The following FBLN2 variants were observed in gnomAD, a reference collection of about 807,000 sequenced individuals.
FBLN2 encodes the protein fibulin-2.
Under a neutral mutation model 123.7 loss-of-function variants are expected in FBLN2, and 81 were observed. The observed-to-expected ratio is 0.65, with a 90% CI of 0.55 to 0.79. The LOEUF is 0.79. Ranked by LOEUF, FBLN2 falls within the 30% of genes least tolerant of loss-of-function variation. The pLI, the probability that FBLN2 is intolerant of heterozygous loss-of-function variation, is 0.00. For missense variants in FBLN2, 1,603 were observed against 1,681.3 expected (o/e 0.95, Z 0.81); for synonymous variants, 699 against 701.4 (o/e 1.00, Z 0.05).
chr3:13,600,195 G>C (rs1475029835), intron 2 of FBLN2, among the ~76,000 whole-genome samples: 1 of 151,968 alleles, frequency 6.6e-6, no homozygotes, highest in Admixed American at 6.6e-5. Context: ...GGGGGCCTCT[G>C]GACATGAGAT....
chr3:13,573,003 C>A (rs1388564878), intron 2 of FBLN2, among the ~76,000 whole-genome samples: 1 of 152,154 alleles, frequency 6.6e-6, no homozygotes, highest in Non-Finnish European at 1.5e-5. Flanking sequence ...AGTCCTCTAG[C>A]AAACAGGTTA....
At chr3:13,631,216 A>T (rs1205250868) in intron 15 of FBLN2, 113 bp from the exon 16 acceptor site, 1 of 1,336,248 alleles carries the variant, frequency 7.5e-7, no homozygotes, top group African/African-American at 1.5e-5. Flanking sequence ...ACTTGTCTTC[A>T]TTTAAAAAAT....
At chr3:13,588,699 G>A (rs1281710295) in intron 2 of FBLN2, among the ~76,000 whole-genome samples, 1 of 152,042 alleles carries the variant, frequency 6.6e-6, no homozygotes, top group Admixed American at 6.5e-5. Flanking sequence ...ACTTCTAAGA[G>A]AAAAAAAGAT....
At chr3:13,556,282 A>C (rs1703461516) in intron 1 of FBLN2, among the ~76,000 whole-genome samples, 1 of 151,202 alleles carries the variant, frequency 6.6e-6, no homozygotes, top group Non-Finnish European at 1.5e-5. Context: ...CCCGGCATGC[A>C]CGTGGCTGCC....
rs1394127778 is a variant in FBLN2, at chr3:13,627,966, G to T, written c.2566G>T (p.Val856Leu). The T allele has an allele frequency of 6.2e-7, 1 of 1,613,198 alleles. No individual in the cohort carries two copies. Among genetic ancestry groups the T allele is most frequent in the Non-Finnish European group, 8.5e-7 (1 of 1,179,444 alleles). Residue 856 changes from valine to leucine, a missense_variant, in exon 11 of 18, where the codon GTG (valine) becomes TTG (leucine). By Grantham distance (32) the Val-to-Leu change is conservative. Transcript: ENST00000404922. ...CCTGCAGGATCCTGAAGGCAACTGTGTGGGTGAGCGGGGGCTGCAGGGCTG... is the reference window on the plus strand; with the variant it reads ...CCTGCAGGATCCTGAAGGCAACTGTTTGGGTGAGCGGGGGCTGCAGGGCTG... Reference protein sequence around the residue: ...GFLQDPEGNCVDINECTSLSE... With the variant: ...GFLQDPEGNCLDINECTSLSE...
rs747917104 is a variant in FBLN2, at chr3:13,629,171, T to A, written c.2721T>A (p.Asn907Lys). Reference protein sequence around the residue: ...SDDGTKCVDVNECETGVHRCG... With the variant: ...SDDGTKCVDVKECETGVHRCG... ...CCTGCTCACCCCCCACAGACGTGAA[T>A]GAGTGTGAGACAGGTGTGCACCGCT... is the stretch of plus-strand genomic sequence containing the variant. Residue 907 changes from asparagine (N) to lysine (K), a missense_variant, in exon 13 of 18, where the codon AAT (asparagine) becomes AAA (lysine). By Grantham distance (94) the Asn-to-Lys change is moderately conservative. Transcript: ENST00000404922. The A allele has an allele frequency of 2.5e-6, 4 of 1,613,000 alleles. No individual in the cohort carries two copies. The highest frequency in any genetic ancestry group is 3.4e-6 in the Non-Finnish European group (4 of 1,179,624).
chr3:13,575,179 G>A (rs1032036663), intron 2 of FBLN2, among the ~76,000 whole-genome samples: 9 of 152,200 alleles, frequency 5.9e-5, no homozygotes, highest in South Asian at 2.1e-4. Flanking sequence ...GCCCCATGAT[G>A]CAGGGACTTC....
intron 2 of FBLN2, among the ~76,000 whole-genome samples, chr3:13,577,370 A>T (rs986905343): frequency 6.6e-6 from 1 of 152,132 alleles, no homozygotes; most frequent in South Asian, 2.1e-4. Flanking sequence ...CAAAGGCCCC[A>T]GGGCAGGAAG....
chr3:13,553,907 G>C (rs1703395539), intron 1 of FBLN2, among the ~76,000 whole-genome samples: 2 of 152,260 alleles, frequency 1.3e-5, no homozygotes, highest in African/African-American at 4.8e-5. Context: ...TGAATCGGGG[G>C]CGCCCCCCTG....
At position 13,564,915 on chromosome 3, in the gene FBLN2, A is replaced by G. The variant is rs950290405; in HGVS notation, c.-41-5400A>G. On this transcript the variant is annotated intron_variant, in intron 1 of 17. Transcript: ENST00000404922. ...GGTTGGGGCCCAGCCCTATCAGGAC[A>G]GCAGAGCGAGGAGCTTGTGGCCAGG... Among the ~76,000 whole-genome samples, 12 of 152,230 alleles carry G rather than the reference A, an allele frequency of 7.9e-5. No homozygotes were observed. The South Asian group carries it at 2.3e-3, about 29-fold the overall frequency.
At chr3:13,623,179 C>CA (rs1357291737) in intron 9 of FBLN2, among the ~76,000 whole-genome samples, 1 of 152,228 alleles carries the variant, frequency 6.6e-6, no homozygotes, top group Non-Finnish European at 1.5e-5. Flanking sequence ...CCCTGCTTGC[C>CA]AGCAGCCGGC....
At chr3:13,620,167 C>T (rs141486744) in intron 8 of FBLN2, among the ~76,000 whole-genome samples, 14 of 152,210 alleles carry the variant, frequency 9.2e-5, no homozygotes, top group African/African-American at 2.9e-4. Flanking sequence ...ACAGGCAGTC[C>T]TGAGATTCTG....
At chr3:13,565,389 C>T (rs145720403) in intron 1 of FBLN2, among the ~76,000 whole-genome samples, 1 of 152,252 alleles carries the variant, frequency 6.6e-6, no homozygotes, top group Non-Finnish European at 1.5e-5. Flanking sequence ...AGTGCCACTT[C>T]ATGGTGGCTT....
At chr3:13,609,726 A>G in intron 4 of FBLN2, 84 bp downstream of exon 4, 2 of 1,505,622 alleles carry the variant, frequency 1.3e-6, no homozygotes, top group Non-Finnish European at 1.8e-6. Context: ...CTCGTGGCCC[A>G]AGAAGTTAGG....
At chr3:13,558,003 G>A (rs1703505936) in intron 1 of FBLN2, among the ~76,000 whole-genome samples, 1 of 152,172 alleles carries the variant, frequency 6.6e-6, no homozygotes, top group Non-Finnish European at 1.5e-5. Context: ...ACCACAGACT[G>A]GGCCAGACCC....
At chr3:13,582,762 CAG>C (rs1333234626) in intron 2 of FBLN2, among the ~76,000 whole-genome samples, 1 of 152,266 alleles carries the variant, frequency 6.6e-6, no homozygotes, top group Non-Finnish European at 1.5e-5. Flanking sequence ...GCAGCCAGCA[CAG>C]AGTGCTGCTC....
chr3:13,594,462 G>A (rs1239386027), intron 2 of FBLN2, among the ~76,000 whole-genome samples: 1 of 152,198 alleles, frequency 6.6e-6, no homozygotes, highest in Non-Finnish European at 1.5e-5. Context: ...GGGCTCAGGG[G>A]ACCTGCAGCT....
intron 1 of FBLN2, among the ~76,000 whole-genome samples, chr3:13,551,573 G>A (rs1559395153): frequency 6.6e-6 from 1 of 152,192 alleles, no homozygotes; most frequent in African/African-American, 2.4e-5. Context: ...AAAGCTCTTT[G>A]CCCCTCTTAC....
At chr3:13,603,102 G>A (rs1462425750) in intron 2 of FBLN2, among the ~76,000 whole-genome samples, 2 of 151,722 alleles carry the variant, frequency 1.3e-5, no homozygotes, top group Non-Finnish European at 2.9e-5. Flanking sequence ...TAGCAGAGAC[G>A]AGGTTTCATT....
Sources: gnomAD v4.1 joint callset for allele counts (sites outside exome capture counted in the v4.1 genomes callset) on GRCh38, gnomAD v4.1.1 for gene constraint, MANE v1.5 for transcripts, NCBI Gene and HGNC (gene_info 2026-07-23, HGNC 2026-07-21) for gene names.